The following RFX8 variants were observed in gnomAD, a reference collection of about 807,000 sequenced individuals.
RFX8 encodes DNA-binding protein RFX8.
A neutral mutation model predicts 54.6 loss-of-function variants in RFX8; 46 were observed. The observed-to-expected ratio is 0.84, with a 90% CI of 0.67 to 1.08. RFX8 has a LOEUF of 1.08. Ranked by LOEUF, RFX8 falls within the 50% of genes least tolerant of loss-of-function variation. The pLI, the probability that RFX8 is intolerant of heterozygous loss-of-function variation, is 0.00. For missense variants in RFX8, 536 were observed against 562.3 expected (o/e 0.95, Z 0.47); for synonymous variants, 192 against 209.5 (o/e 0.92, Z 0.72).
intron 9 of RFX8, among the ~76,000 whole-genome samples, chr2:101,407,554 G>A (rs1331671227): frequency 6.6e-6 from 1 of 152,100 alleles, no homozygotes; most frequent in Non-Finnish European, 1.5e-5. Context: ...TAGCTGGGCA[G>A]GGTGGCACAC....
At chr2:101,409,390 T>C (rs547638809) in intron 9 of RFX8, among the ~76,000 whole-genome samples, 33 of 151,552 alleles carry the variant, frequency 2.2e-4, no homozygotes, top group Middle Eastern at 3.4e-3. Flanking sequence ...GCCCAGCTAA[T>C]TTTTTTGTAT....
At chr2:101,474,099 C>G (rs1272000498) in intron 1 of RFX8, 1 of 515,912 alleles carries the variant, frequency 1.9e-6, no homozygotes, top group Non-Finnish European at 3.4e-6. Flanking sequence ...TCCTCACACC[C>G]GGCTTTGACC....
At chr2:101,462,747 A>G (rs1689349855) in intron 2 of RFX8, among the ~76,000 whole-genome samples, 1 of 152,160 alleles carries the variant, frequency 6.6e-6, no homozygotes, top group African/African-American at 2.4e-5. Context: ...CAGGGTTACA[A>G]TCTAAGAAGT....
intron 2 of RFX8, among the ~76,000 whole-genome samples, chr2:101,458,589 T>A (rs1450544594): frequency 3.3e-5 from 5 of 152,244 alleles, no homozygotes; most frequent in African/African-American, 9.6e-5. Flanking sequence ...GCTGTTAGTC[T>A]GATGGGCTTC....
At chr2:101,410,001 C>T (rs190519088) in intron 9 of RFX8, among the ~76,000 whole-genome samples, 164 of 152,264 alleles carry the variant, frequency 1.1e-3, no homozygotes, top group African/African-American at 3.7e-3. Flanking sequence ...ATATCGACAA[C>T]GAAACCATCT....
chr2:101,420,299 T>G (rs915261950), intron 4 of RFX8, among the ~76,000 whole-genome samples: 2 of 152,134 alleles, frequency 1.3e-5, no homozygotes, highest in Non-Finnish European at 2.9e-5. Flanking sequence ...CCCAGCACTT[T>G]GGGAGGCCGA....
intron 2 of RFX8, among the ~76,000 whole-genome samples, chr2:101,427,968 TC>T (rs941614491): frequency 1.4e-4 from 21 of 151,976 alleles, no homozygotes; most frequent in African/African-American, 4.3e-4. Context: ...AATGTTGTTA[TC>T]CCCCCCGCCC....
At chr2:101,459,258 G>T (rs2148984199) in intron 2 of RFX8, among the ~76,000 whole-genome samples, 1 of 152,230 alleles carries the variant, frequency 6.6e-6, no homozygotes, top group African/African-American at 2.4e-5. Context: ...TCCGTTGCTG[G>T]CGAGGAGCTG....
intron 2 of RFX8, among the ~76,000 whole-genome samples, chr2:101,424,338 G>A (rs745309385): frequency 6.6e-6 from 1 of 152,200 alleles, no homozygotes; most frequent in African/African-American, 2.4e-5. Context: ...ACACCAGTTA[G>A]AATGGTGATC....
At chr2:101,456,906 A>T (rs903087582) in intron 2 of RFX8, among the ~76,000 whole-genome samples, 4 of 152,126 alleles carry the variant, frequency 2.6e-5, no homozygotes, top group Non-Finnish European at 5.9e-5. Context: ...TTATTCAGAG[A>T]TTCAACTTCT....
chr2:101,417,715 C>T (rs1386732147), intron 5 of RFX8, 31 bp from the exon 6 acceptor site: 1 of 1,526,476 alleles, frequency 6.6e-7, no homozygotes, highest in Non-Finnish European at 8.8e-7. Context: ...CACTATGATT[C>T]TGCTGATGGT....
At chr2:101,420,390 A>G (rs553623193) in intron 4 of RFX8, among the ~76,000 whole-genome samples, 1 of 152,102 alleles carries the variant, frequency 6.6e-6, no homozygotes, top group South Asian at 2.1e-4. Flanking sequence ...TAAAAATACA[A>G]AAAATTAGCC....
chr2:101,402,334 T>C, intron 11 of RFX8, 102 bp downstream of exon 11: 1 of 1,039,504 alleles, frequency 9.6e-7, no homozygotes, highest in Non-Finnish European at 1.4e-6. Flanking sequence ...GTAGAATCGT[T>C]TATCATTGTT....
chr2:101,448,033 T>G (rs1054023517), intron 2 of RFX8, among the ~76,000 whole-genome samples: 10 of 152,216 alleles, frequency 6.6e-5, no homozygotes, highest in African/African-American at 2.2e-4. Flanking sequence ...GCCAGCTAGC[T>G]CTCTGAAGCC....
At chr2:101,411,707 G>A (rs1478728211) in intron 8 of RFX8, among the ~76,000 whole-genome samples, 4 of 151,834 alleles carry the variant, frequency 2.6e-5, no homozygotes, top group East Asian at 1.9e-4. Flanking sequence ...GGATTGGTGG[G>A]AAAAAAAAGT....
At chr2:101,469,032 GTA>G (rs1214739754) in intron 1 of RFX8, among the ~76,000 whole-genome samples, 13 of 22,534 alleles carry the variant, frequency 5.8e-4, no homozygotes, top group East Asian at 3.4e-3. Flanking sequence ...ATATATATAC[GTA>G]TATATATGTA....
chr2:101,443,970 C>A (rs12712104), intron 2 of RFX8, among the ~76,000 whole-genome samples: 114,820 of 151,834 alleles, frequency 0.76, 44,380 homozygotes, highest in Middle Eastern at 0.88. Context: ...TCAGGATCAG[C>A]CTGCCTGCCA....
chr2:101,409,419 G>A (rs1685954662), intron 9 of RFX8, among the ~76,000 whole-genome samples: 1 of 151,776 alleles, frequency 6.6e-6, no homozygotes. Context: ...GTAGAGACGG[G>A]GTTTCACCGT....
chr2:101,397,615 A>G lies in RFX8; in HGVS notation c.1355T>C (p.Ile452Thr), dbSNP rs1162733114. The change falls in exon 12 of 12, where the codon ATT becomes ACT. Residue 452 changes from isoleucine (I) to threonine (T), a missense_variant. Transcript: ENST00000428343. Reference sequence around the variant, plus strand: ...GCTTTGGGGTACATCTGATATCTGAATCACAAATTGTTGTCCATCTTTTAG... The same window carrying G: ...GCTTTGGGGTACATCTGATATCTGAGTCACAAATTGTTGTCCATCTTTTAG... ...ITLKDGQQFV[I>T]QISDVPQSSE... 1.9e-6 allele frequency: 3 copies of G among 1,551,270 alleles called. No homozygotes were observed. The Admixed American group carries it at 5.9e-5, about 30-fold the overall frequency.
Sources: gnomAD v4.1 joint callset for allele counts (sites outside exome capture counted in the v4.1 genomes callset) on GRCh38, gnomAD v4.1.1 for gene constraint, MANE v1.5 for transcripts, NCBI Gene and HGNC (gene_info 2026-07-23, HGNC 2026-07-21) for gene names.